The following PCDH7 variants were observed in gnomAD, a reference collection of about 807,000 sequenced individuals.
The protein encoded by PCDH7 is protocadherin-7.
A neutral mutation model predicts 58.9 loss-of-function variants in PCDH7; 17 were observed. The ratio of observed to expected loss-of-function variants is 0.29; its 90% CI spans 0.20 to 0.43. PCDH7 has a LOEUF of 0.43. PCDH7 is among the 20% of genes least tolerant of loss of function. The probability of loss-of-function intolerance (pLI) is 1.00; values close to 1 mark genes in which losing one functional copy is unlikely to be tolerated. For missense variants in PCDH7, 1,274 were observed against 1,441.0 expected (o/e 0.88, Z 1.88); for synonymous variants, 664 against 616.4 (o/e 1.08, Z -1.14).
chr4:30,968,332 T>TACAC (rs1560541366), intron 3 of PCDH7, among the ~76,000 whole-genome samples: 12 of 107,500 alleles, frequency 1.1e-4, no homozygotes, highest in African/African-American at 5.1e-4. Context: ...TATATATATA[T>TACAC]ACACACACTA....
At chr4:30,935,754 T>A (rs549735308) in intron 2 of PCDH7, among the ~76,000 whole-genome samples, 8 of 152,248 alleles carry the variant, frequency 5.3e-5, no homozygotes, top group African/African-American at 1.7e-4. Context: ...GTGGATAGAA[T>A]CTGCCAATTA....
At chr4:30,736,622 G>A (rs1716326347), downstream of PCDH7, among the ~76,000 whole-genome samples, 3 of 148,600 alleles carry the variant, frequency 2.0e-5, no homozygotes. Flanking sequence ...TGCAAGCTCC[G>A]CCTCCCGGAT....
At chr4:30,946,299 T>C (rs115666334) in intron 2 of PCDH7, among the ~76,000 whole-genome samples, 3,967 of 152,072 alleles carry the variant, frequency 0.026, 169 homozygotes, top group African/African-American at 0.089. Context: ...AGAACAGGGG[T>C]CCCACTGCCT....
chr4:30,954,452 A>G, intron 3 of PCDH7, among the ~76,000 whole-genome samples: 1 of 152,112 alleles, frequency 6.6e-6, no homozygotes, highest in East Asian at 1.9e-4. Context: ...TGTACATTGT[A>G]TGAATATATG....
At chr4:31,011,553 A>G (rs1753187629) in intron 3 of PCDH7, among the ~76,000 whole-genome samples, 1 of 151,996 alleles carries the variant, frequency 6.6e-6, no homozygotes, top group African/African-American at 2.4e-5. Flanking sequence ...GACATGTTCT[A>G]ATGTTTGCAT....
At chr4:30,737,739 G>A (rs1716505957), downstream of PCDH7, among the ~76,000 whole-genome samples, 1 of 152,150 alleles carries the variant, frequency 6.6e-6, no homozygotes, top group East Asian at 1.9e-4. Context: ...CCTGGTAAAG[G>A]TGGAGAGGTA....
At position 30,876,409 on chromosome 4, in the gene PCDH7, A is replaced by T. The variant is rs181248652; in HGVS notation, c.71-43744A>T. On this transcript the variant is annotated intron_variant, in intron 1 of 3. Transcript: ENST00000509759. Reference sequence around the variant, plus strand: ...AAGATCAAGAAAAGTTTTCAAGTAAAAACACTGTAAAAATTTTTAAATAAA... The same window carrying T: ...AAGATCAAGAAAAGTTTTCAAGTAATAACACTGTAAAAATTTTTAAATAAA... 2.0e-4 allele frequency among the ~76,000 whole-genome samples: 31 copies of T among 152,244 alleles called. No individual in the cohort carries two copies. In the East Asian group the frequency reaches 3.9e-3, roughly 19 times the overall value.
At chr4:30,992,021 A>G (rs1378030451) in intron 3 of PCDH7, among the ~76,000 whole-genome samples, 1 of 152,144 alleles carries the variant, frequency 6.6e-6, no homozygotes, top group African/African-American at 2.4e-5. Context: ...TCAAGTCCTA[A>G]TTCTGTGACT....
At chr4:31,067,356 G>T (rs572335915) in intron 3 of PCDH7, among the ~76,000 whole-genome samples, 1 of 143,014 alleles carries the variant, frequency 7.0e-6, no homozygotes, top group Non-Finnish European at 1.5e-5. Flanking sequence ...CTACATCAGG[G>T]GAATTTCATC....
chr4:30,775,842 A>G (rs562983607), intron 1 of PCDH7, among the ~76,000 whole-genome samples: 99 of 152,280 alleles, frequency 6.5e-4, no homozygotes, highest in African/African-American at 2.1e-3. Flanking sequence ...GGTTGCAGTG[A>G]GCCAAGATTG....
intron 3 of PCDH7, among the ~76,000 whole-genome samples, chr4:31,130,024 T>G (rs538258999): frequency 6.6e-6 from 1 of 152,154 alleles, no homozygotes; most frequent in Admixed American, 6.5e-5. Context: ...GAACAAATAA[T>G]AAACATCAGA....
At chr4:30,878,478 C>A (rs777943359) in intron 1 of PCDH7, among the ~76,000 whole-genome samples, 1 of 151,952 alleles carries the variant, frequency 6.6e-6, no homozygotes. Flanking sequence ...TGGACCTTTC[C>A]GAAACTGAGG....
At chr4:30,790,331 G>C (rs1723952426) in intron 1 of PCDH7, among the ~76,000 whole-genome samples, 1 of 152,158 alleles carries the variant, frequency 6.6e-6, no homozygotes, top group South Asian at 2.1e-4. Context: ...AGGAAAATGA[G>C]ATACACAGAG....
At chr4:30,969,139 G>A (rs1749313403) in intron 3 of PCDH7, among the ~76,000 whole-genome samples, 1 of 152,154 alleles carries the variant, frequency 6.6e-6, no homozygotes, top group Non-Finnish European at 1.5e-5. Flanking sequence ...CCGGAATGCA[G>A]AACCTAGACT....
chr4:30,774,677 C>G (rs1560355854), intron 1 of PCDH7, among the ~76,000 whole-genome samples: 1 of 152,146 alleles, frequency 6.6e-6, no homozygotes, highest in Admixed American at 6.6e-5. Flanking sequence ...AGGGCTTACT[C>G]TGCATCAGGG....
chr4:30,786,056 A>C (rs1723351789), intron 1 of PCDH7, among the ~76,000 whole-genome samples: 1 of 152,182 alleles, frequency 6.6e-6, no homozygotes, highest in South Asian at 2.1e-4. Context: ...ATTTTGAAGG[A>C]GTTTTTATCA....
chr4:30,776,852 A>G lies in PCDH7; in HGVS notation c.70+52256A>G, dbSNP rs550515782. ...CTTCAGAAATATGATTATAATTTTG[A>G]TATGTGGTGTGTGTGTGTGTGTGTG... On this transcript the variant is annotated intron_variant, in intron 1 of 3. Transcript: ENST00000509759. Among the ~76,000 whole-genome samples the G allele has an allele frequency of 4.5e-5, 4 of 89,110 alleles. No homozygotes were observed. The Admixed American group carries it at 4.9e-4, about 11-fold the overall frequency. The allele number at this position is 89,110 out of a possible 152,430, so 58.5% of individuals were successfully genotyped here.
intron 3 of PCDH7, among the ~76,000 whole-genome samples, chr4:31,006,585 T>G (rs1752782238): frequency 6.6e-6 from 1 of 152,118 alleles, no homozygotes; most frequent in Non-Finnish European, 1.5e-5. Flanking sequence ...TGAGTTTAAC[T>G]CATGCTTCAT....
intron 3 of PCDH7, among the ~76,000 whole-genome samples, chr4:31,062,079 C>T (rs1450400814): frequency 6.6e-6 from 1 of 151,632 alleles, no homozygotes; most frequent in Non-Finnish European, 1.5e-5. Flanking sequence ...CTTTCAGATA[C>T]TCATGTAGTT....
Sources: allele counts gnomAD v4.1 joint callset (sites outside exome capture counted in the v4.1 genomes callset), GRCh38; gene constraint gnomAD v4.1.1; transcripts MANE v1.5; gene names NCBI Gene and HGNC (gene_info 2026-07-23, HGNC 2026-07-21).